Variants in PAK1 observed in about 807,000 individuals in gnomAD.
PAK1 encodes the protein p21 (RAC1) activated kinase 1.
PAK1 carries 29 observed loss-of-function variants against 67.4 expected under a neutral mutation model. That is an observed-to-expected ratio of 0.43 (90% CI 0.32 to 0.59). The LOEUF is 0.59. Ranked by LOEUF, PAK1 falls within the 20% of genes least tolerant of loss-of-function variation. PAK1 has a pLI of 0.07. For missense variants in PAK1, 337 were observed against 670.7 expected, an observed-to-expected ratio of 0.50 and a Z score of 5.50; for synonymous variants, 223 against 237.4, an observed-to-expected ratio of 0.94 and a Z score of 0.56.
intron 1 of PAK1, among the ~76,000 whole-genome samples, chr11:77,469,536 T>C (rs28497539): frequency 6.3e-4 from 96 of 152,250 alleles, no homozygotes; most frequent in African/African-American, 1.8e-3. Context: ...CATTTTACAG[T>C]TGGGACAAAA....
chr11:77,527,921 C>G, the PAK1 span, among the ~76,000 whole-genome samples: 2 of 152,088 alleles, frequency 1.3e-5, no homozygotes, highest in Non-Finnish European at 2.9e-5. Context: ...TCAATCACAG[C>G]TCACTGGAGC....
At chr11:77,505,175 T>G in the PAK1 span, among the ~76,000 whole-genome samples, 1 of 150,328 alleles carries the variant, frequency 6.7e-6, no homozygotes, top group African/African-American at 2.4e-5. Flanking sequence ...GTGCAACCAT[T>G]GCTACTATTT....
chr11:77,392,964 G>C (rs779838797), intron 1 of PAK1, among the ~76,000 whole-genome samples: 2 of 152,116 alleles, frequency 1.3e-5, no homozygotes, highest in Non-Finnish European at 2.9e-5. Flanking sequence ...TGAGTTCTCT[G>C]CCAACCTCTA....
At chr11:77,491,056 C>A in the PAK1 span, among the ~76,000 whole-genome samples, 1 of 151,510 alleles carries the variant, frequency 6.6e-6, no homozygotes, top group Non-Finnish European at 1.5e-5. Context: ...TATCTGCTGA[C>A]CTTCCCTCCA....
chr11:77,332,998 T>C, intron 13 of PAK1, 131 bp from the exon 14 acceptor site: 1 of 768,988 alleles, frequency 1.3e-6, no homozygotes, highest in South Asian at 1.8e-5. Flanking sequence ...GTATATATAC[T>C]GGAAAGAGTA....
the PAK1 span, among the ~76,000 whole-genome samples, chr11:77,495,116 C>T: frequency 6.6e-6 from 1 of 151,064 alleles, no homozygotes; most frequent in African/African-American, 2.4e-5. Context: ...GATCCAAGAC[C>T]ACGCCATTGC....
chr11:77,522,219 T>A, the PAK1 span, among the ~76,000 whole-genome samples: 1 of 152,218 alleles, frequency 6.6e-6, no homozygotes, highest in Non-Finnish European at 1.5e-5. Flanking sequence ...CTCAAATACC[T>A]GCAAGTTGAA....
At chr11:77,403,258 C>T (rs1253550765) in intron 1 of PAK1, among the ~76,000 whole-genome samples, 1 of 152,182 alleles carries the variant, frequency 6.6e-6, no homozygotes, top group East Asian at 1.9e-4. Context: ...TTTCTGGTCA[C>T]TCCCACTGAA....
intron 1 of PAK1, among the ~76,000 whole-genome samples, chr11:77,437,594 G>A (rs1956182952): frequency 6.6e-6 from 1 of 152,094 alleles, no homozygotes; most frequent in African/African-American, 2.4e-5. Flanking sequence ...CATGTCTTGG[G>A]GAAGAGGTAG....
At chr11:77,406,637 G>A (rs1953606414) in intron 1 of PAK1, among the ~76,000 whole-genome samples, 2 of 152,160 alleles carry the variant, frequency 1.3e-5, no homozygotes, top group Non-Finnish European at 2.9e-5. Flanking sequence ...AGCTAGCCAG[G>A]TGTGGTGGCA....
At chr11:77,462,283 A>C (rs1957387288) in intron 1 of PAK1, among the ~76,000 whole-genome samples, 1 of 151,484 alleles carries the variant, frequency 6.6e-6, no homozygotes, top group Non-Finnish European at 1.5e-5. Context: ...GTGAGCCGAG[A>C]TTGCTCCACT....
At chr11:77,504,716 A>C in the PAK1 span, among the ~76,000 whole-genome samples, 31 of 152,334 alleles carry the variant, frequency 2.0e-4, no homozygotes, top group Non-Finnish European at 4.1e-4. Context: ...GTGTTCTTAT[A>C]CCATACTTAA....
chr11:77,526,945 A>G, the PAK1 span, among the ~76,000 whole-genome samples: 1 of 151,876 alleles, frequency 6.6e-6, no homozygotes, highest in Non-Finnish European at 1.5e-5. Context: ...GGAAAGATAC[A>G]TGCTAAAGCC....
intron 1 of PAK1, among the ~76,000 whole-genome samples, chr11:77,432,073 C>A (rs1224367147): frequency 6.6e-6 from 1 of 152,140 alleles, no homozygotes; most frequent in Non-Finnish European, 1.5e-5. Flanking sequence ...CAAGCTTAAA[C>A]AGTTGGTGCT....
At chr11:77,435,649 A>C in intron 1 of PAK1, among the ~76,000 whole-genome samples, 1 of 131,184 alleles carries the variant, frequency 7.6e-6, no homozygotes, top group African/African-American at 3.0e-5. Flanking sequence ...GCCCGCCACT[A>C]CACCTGGCTT....
At chr11:77,428,605 T>G (rs1339217515) in intron 1 of PAK1, among the ~76,000 whole-genome samples, 8 of 148,362 alleles carry the variant, frequency 5.4e-5, no homozygotes, top group African/African-American at 1.7e-4. Flanking sequence ...TAAGAGATGA[T>G]GAGGGCAGCC....
the PAK1 span, among the ~76,000 whole-genome samples, chr11:77,485,301 A>C: frequency 3.3e-5 from 5 of 152,214 alleles, no homozygotes; most frequent in African/African-American, 1.2e-4. Flanking sequence ...TGTACATTTT[A>C]AATAACTAAA....
At chr11:77,440,121 A>C (rs774713844) in intron 1 of PAK1, among the ~76,000 whole-genome samples, 64 of 152,354 alleles carry the variant, frequency 4.2e-4, no homozygotes, top group Non-Finnish European at 7.8e-4. Context: ...TTCCAAGTAT[A>C]AAATGAATAT....
chr11:77,365,270 A>AAAAAAAAAAAAAAG (rs1947375922), intron 5 of PAK1, among the ~76,000 whole-genome samples: 32 of 109,478 alleles, frequency 2.9e-4, no homozygotes, highest in African/African-American at 6.7e-4. Context: ...AAAAAAAAAG[A>AAAAAAAAAAAAAAG]AAAAAGAAAA....
Sources: gnomAD v4.1 joint callset for allele counts (sites outside exome capture counted in the v4.1 genomes callset) on GRCh38, gnomAD v4.1.1 for gene constraint, MANE v1.5 for transcripts, NCBI Gene and HGNC (gene_info 2026-07-23, HGNC 2026-07-21) for gene names.